Variants in KCNIP4 observed in about 807,000 individuals in gnomAD.
KCNIP4 encodes the protein Kv channel-interacting protein 4.
In KCNIP4, 12 loss-of-function variants were observed where a neutral mutation model predicts 34.0. That is an observed-to-expected ratio of 0.35 (90% CI 0.23 to 0.57). The LOEUF (loss-of-function observed/expected upper bound fraction) is 0.57. KCNIP4 is among the 20% of genes least tolerant of loss of function. The probability of loss-of-function intolerance (pLI) is 0.83; values close to 1 mark genes in which losing one functional copy is unlikely to be tolerated. For missense variants in KCNIP4, 238 were observed against 311.7 expected, an observed-to-expected ratio of 0.76 and a Z score of 1.78; for synonymous variants, 124 against 102.2, an observed-to-expected ratio of 1.21 and a Z score of -1.29.
At chr4:21,809,121 T>C (rs558322619) in intron 1 of KCNIP4, among the ~76,000 whole-genome samples, 2 of 146,466 alleles carry the variant, frequency 1.4e-5, no homozygotes, top group East Asian at 4.3e-4. Flanking sequence ...GTGAGGGTGT[T>C]TCCAGAAGAC....
chr4:20,758,712 T>G (rs1184329408), intron 4 of KCNIP4, 109 bp downstream of exon 4: 1 of 843,842 alleles, frequency 1.2e-6, no homozygotes, highest in East Asian at 2.5e-5. Context: ...CATTAATTCT[T>G]TTACATAACG....
intron 3 of KCNIP4, among the ~76,000 whole-genome samples, chr4:20,802,725 TAAAC>T (rs1320925909): frequency 6.6e-6 from 1 of 152,136 alleles, no homozygotes; most frequent in East Asian, 1.9e-4. Flanking sequence ...TTGTGGAAAT[TAAAC>T]AACATGCTTA....
chr4:21,629,110 G>A (rs1171948300), intron 1 of KCNIP4, among the ~76,000 whole-genome samples: 1 of 152,150 alleles, frequency 6.6e-6, no homozygotes, highest in Non-Finnish European at 1.5e-5. Context: ...ACAGATGGTT[G>A]GGACTTAGCA....
At chr4:20,891,050 G>A (rs1725865279) in intron 1 of KCNIP4, among the ~76,000 whole-genome samples, 1 of 152,172 alleles carries the variant, frequency 6.6e-6, no homozygotes, top group Admixed American at 6.5e-5. Flanking sequence ...AATGAAAGTG[G>A]TAATTTCACC....
chr4:21,247,856 A>G (rs1458389890), intron 1 of KCNIP4, among the ~76,000 whole-genome samples: 1 of 127,030 alleles, frequency 7.9e-6, no homozygotes, highest in Non-Finnish European at 1.6e-5. Context: ...GGAGATATAT[A>G]TATATATATA....
At chr4:21,111,927 C>T (rs1198935401) in intron 1 of KCNIP4, among the ~76,000 whole-genome samples, 1 of 152,196 alleles carries the variant, frequency 6.6e-6, no homozygotes, top group African/African-American at 2.4e-5. Context: ...TGGAATCAGG[C>T]TTCTGATACC....
chr4:21,514,946 T>C (rs1734637807), intron 1 of KCNIP4, among the ~76,000 whole-genome samples: 1 of 152,248 alleles, frequency 6.6e-6, no homozygotes, highest in Non-Finnish European at 1.5e-5. Context: ...TTCTTACTTC[T>C]ATCCTAAACA....
rs552486431 is a variant in KCNIP4 at position 21,358,086 on chromosome 4, G to A, written c.62-475377C>T. ...TCACAAGGACAGAAAATCAAACACC[G>A]CCTGTTCTCACTCATAGGTGGGAAT... On this transcript the variant is annotated intron_variant, in intron 1 of 8. Transcript: ENST00000382152. 1.8e-4 allele frequency among the ~76,000 whole-genome samples: 28 copies of A among 152,048 alleles called. No homozygotes were observed. In the South Asian group the frequency reaches 3.1e-3, roughly 17 times the overall value.
intron 1 of KCNIP4, among the ~76,000 whole-genome samples, chr4:21,175,462 A>T (rs748572677): frequency 6.6e-6 from 1 of 152,176 alleles, no homozygotes; most frequent in Non-Finnish European, 1.5e-5. Flanking sequence ...CGTGGATAGA[A>T]GATTCATTCT....
chr4:21,428,167 A>G (rs1726097929), intron 1 of KCNIP4, among the ~76,000 whole-genome samples: 2 of 152,164 alleles, frequency 1.3e-5, no homozygotes, highest in Admixed American at 6.5e-5. Context: ...AATGGATGGT[A>G]AAACAAAACA....
At chr4:21,862,319 T>G (rs1027925726) in intron 1 of KCNIP4, among the ~76,000 whole-genome samples, 1 of 152,166 alleles carries the variant, frequency 6.6e-6, no homozygotes, top group Non-Finnish European at 1.5e-5. Flanking sequence ...CTTCAACAAA[T>G]ATTGTTATTT....
intron 1 of KCNIP4, among the ~76,000 whole-genome samples, chr4:21,140,742 A>T (rs1751887070): frequency 6.6e-6 from 1 of 152,004 alleles, no homozygotes; most frequent in African/African-American, 2.4e-5. Flanking sequence ...AAAGTGGACT[A>T]CTCTAGTCCC....
chr4:21,708,511 G>T (rs1713467416), intron 1 of KCNIP4, among the ~76,000 whole-genome samples: 1 of 152,032 alleles, frequency 6.6e-6, no homozygotes. Context: ...CTTGGAATGA[G>T]AAGTCAAAGA....
At chr4:21,818,090 T>G (rs1722100341) in intron 1 of KCNIP4, among the ~76,000 whole-genome samples, 1 of 152,174 alleles carries the variant, frequency 6.6e-6, no homozygotes, top group Non-Finnish European at 1.5e-5. Flanking sequence ...ACCTGCTGGT[T>G]TTGAGGCTCA....
intron 1 of KCNIP4, among the ~76,000 whole-genome samples, chr4:21,421,500 C>T (rs1048487223): frequency 2.6e-5 from 4 of 152,048 alleles, no homozygotes; most frequent in African/African-American, 9.7e-5. Context: ...AGATATTGTG[C>T]TAAGTGAATT....
intron 1 of KCNIP4, among the ~76,000 whole-genome samples, chr4:20,910,707 T>C (rs1577353296): frequency 6.6e-6 from 1 of 152,306 alleles, no homozygotes. Flanking sequence ...AGGTTATCCA[T>C]CCCCATGTTA....
chr4:21,568,692 G>A (rs975996132), intron 1 of KCNIP4, among the ~76,000 whole-genome samples: 2 of 152,046 alleles, frequency 1.3e-5, no homozygotes, highest in African/African-American at 4.8e-5. Context: ...GCTTTGCCAG[G>A]GGCTCTCTGT....
At chr4:21,873,527 G>A (rs1725926449) in intron 1 of KCNIP4, among the ~76,000 whole-genome samples, 1 of 152,142 alleles carries the variant, frequency 6.6e-6, no homozygotes, top group South Asian at 2.1e-4. Flanking sequence ...CACAGTGCCT[G>A]GCACAAAATA....
intron 1 of KCNIP4, among the ~76,000 whole-genome samples, chr4:21,042,326 C>A (rs1446602920): frequency 6.6e-6 from 1 of 152,110 alleles, no homozygotes; most frequent in Non-Finnish European, 1.5e-5. Context: ...AAAATTTGGT[C>A]TATATACACA....
Sources: gnomAD v4.1 joint callset for allele counts (sites outside exome capture counted in the v4.1 genomes callset) on GRCh38, gnomAD v4.1.1 for gene constraint, MANE v1.5 for transcripts, NCBI Gene and HGNC (gene_info 2026-07-23, HGNC 2026-07-21) for gene names.